The following SMG5 variants were observed in gnomAD, a reference collection of about 807,000 sequenced individuals.
The protein encoded by SMG5 is SMG5 nonsense mediated mRNA decay factor.
Under a neutral mutation model 122.9 loss-of-function variants are expected in SMG5, and 53 were observed. That is an observed-to-expected ratio of 0.43 (90% CI 0.35 to 0.54). The LOEUF is 0.54. SMG5 is among the 20% of genes least tolerant of loss of function. The probability of loss-of-function intolerance (pLI) is 0.01; values close to 1 mark genes in which losing one functional copy is unlikely to be tolerated. For missense variants in SMG5, 1,153 were observed against 1,285.6 expected (o/e 0.90, Z 1.58); for synonymous variants, 477 against 490.2 (o/e 0.97, Z 0.35).
In SMG5 at chr1:156,253,034, G is replaced by A; in HGVS notation, c.2547C>T (p.Ala849=). The change falls in exon 18 of 22, where the codon GCC becomes GCT. Residue 849 remains alanine, a synonymous_variant. Transcript: ENST00000361813. ...QLEGSLQQPK[A]QSAMSPYLVP... ...CGAGGTAGGGAGACATGGCTGACTG[G>A]GCCTTGGGCTGCTGCAGGCTGCCCT... 2 of 1,612,524 alleles carry A rather than the reference G, an allele frequency of 1.2e-6. No individual in the cohort carries two copies. The highest frequency in any genetic ancestry group is 1.7e-6 in the Non-Finnish European group (2 of 1,179,392).
rs145372199 is a variant in SMG5 at position 156,273,346 on chromosome 1, T to A, written c.634+15A>T. Reference sequence around the variant, plus strand: ...ACCCTACTGGATTCAGAGGCCCAAGTTGGGGACAACTTACCAATCTGAGGA... The same window carrying A: ...ACCCTACTGGATTCAGAGGCCCAAGATGGGGACAACTTACCAATCTGAGGA... On this transcript the variant is annotated intron_variant, in intron 6 of 21. Coordinates refer to ENST00000361813, the MANE Select transcript of SMG5 (RefSeq NM_015327.3). The A allele has an allele frequency of 1.9e-6, 3 of 1,611,552 alleles. No individual in the cohort carries two copies. In the Admixed American group the frequency reaches 5.0e-5, roughly 27 times the overall value.
intron 16 of SMG5, among the ~76,000 whole-genome samples, chr1:156,254,386 C>A (rs1199082655): frequency 6.6e-6 from 1 of 152,184 alleles, no homozygotes; most frequent in Non-Finnish European, 1.5e-5. Flanking sequence ...TAAGATGAGG[C>A]TAAGGATGGG....
chr1:156,291,436 C>CTA, the SMG5 span: 9 of 1,613,958 alleles, frequency 5.6e-6, no homozygotes, highest in Non-Finnish European at 6.8e-6. Context: ...GAGGCTTCGG[C>CTA]TACGGCCTGA....
At chr1:156,291,493 G>C in the SMG5 span, 1 of 1,613,092 alleles carries the variant, frequency 6.2e-7, no homozygotes, top group Non-Finnish European at 8.5e-7. Flanking sequence ...TCTACTACAT[G>C]TTCGTGGTGG....
chr1:156,278,146 C>A, intron 2 of SMG5, 98 bp from the exon 3 acceptor site: 1 of 1,477,134 alleles, frequency 6.8e-7, no homozygotes, highest in South Asian at 1.2e-5. Context: ...CCCCCACCAA[C>A]AAATCTCGGT....
intron 1 of SMG5, among the ~76,000 whole-genome samples, 193 bp from the exon 2 acceptor site, chr1:156,279,227 A>G (rs1175065397): frequency 9.3e-6 from 1 of 107,500 alleles, no homozygotes; most frequent in Non-Finnish European, 2.0e-5. Flanking sequence ...GCCCCTCCCC[A>G]CCCCCCGCCC....
the SMG5 span, among the ~76,000 whole-genome samples, chr1:156,287,833 T>C: frequency 6.6e-6 from 1 of 151,662 alleles, no homozygotes; most frequent in African/African-American, 2.4e-5. Context: ...GGCCAGGCAG[T>C]TCTTGAACCC....
chr1:156,267,376 G>C (rs1175915112), intron 10 of SMG5, 94 bp downstream of exon 10: 1 of 1,295,332 alleles, frequency 7.7e-7, no homozygotes, highest in East Asian at 2.3e-5. Flanking sequence ...GAGGCTGCTT[G>C]TGGAAGGAAG....
At chr1:156,261,890 CAAAAAAAAAAAAAA>C (rs61569049) in intron 13 of SMG5, among the ~76,000 whole-genome samples, 1 of 90,194 alleles carries the variant, frequency 1.1e-5, no homozygotes, top group Non-Finnish European at 2.0e-5. Flanking sequence ...AACTCCTTCT[CAAAAAAAAAAAAAA>C]AAAAAAAAAT....
At chr1:156,273,531 G>T in intron 5 of SMG5, 81 bp from the exon 6 acceptor site, 1 of 1,321,954 alleles carries the variant, frequency 7.6e-7, no homozygotes, top group East Asian at 2.4e-5. Flanking sequence ...AGTCCACTCT[G>T]AGAGTGGTAA....
intron 1 of SMG5, among the ~76,000 whole-genome samples, chr1:156,279,609 T>C: frequency 6.6e-6 from 1 of 152,186 alleles, no homozygotes. Context: ...GAGGATTAAA[T>C]GAAATAATAA....
At chr1:156,277,797 C>T in intron 3 of SMG5, 128 bp downstream of exon 3, 17 of 1,239,480 alleles carry the variant, frequency 1.4e-5, no homozygotes, top group Non-Finnish European at 1.9e-5. Context: ...CACGCATGAG[C>T]CACCGTGCCC....
chr1:156,259,189 G>A lies in SMG5; in HGVS notation c.2284-26C>T, dbSNP rs201618908. 7.5e-5 allele frequency: 115 copies of A among 1,539,244 alleles called. No homozygotes were observed. In the African/African-American group the frequency reaches 1.2e-3, roughly 16 times the overall value. ...CTGTGGGGAGATACAGGAGCCCAGC[G>A]CTGCTGAGCAGGGCCCTCTAGACCC... On this transcript the variant is annotated intron_variant, in intron 15 of 21. Coordinates refer to ENST00000361813, the MANE Select transcript of SMG5 (RefSeq NM_015327.3).
Position 156,277,240 on chromosome 1 carries a change from T to C in SMG5, c.299A>G (p.His100Arg). ...TTCCAAAGTGCTCCGGCTGTGGATG[T>C]GCTACAGATTGCGAAAGGGAAGGGG... is the stretch of plus-strand genomic sequence containing the variant. ...VIQLIKTNKK[H>R]IHSRSTLECA... The change falls in exon 4 of 22, where the codon CAC becomes CGC. Residue 100 changes from histidine to arginine, a missense_variant and splice_region_variant. By Grantham distance (29) the His-to-Arg change is conservative. Transcript: ENST00000361813. 1 of 1,612,398 alleles carries C rather than the reference T, an allele frequency of 6.2e-7. No individual in the cohort carries two copies. The highest frequency in any genetic ancestry group is 8.5e-7 in the Non-Finnish European group (1 of 1,179,554).
intron 20 of SMG5, 107 bp from the exon 21 acceptor site, chr1:156,251,103 G>A: frequency 7.0e-7 from 1 of 1,438,768 alleles, no homozygotes; most frequent in Admixed American, 1.9e-5. Context: ...GGAGGGCAGT[G>A]AGCAGCAGTG....
chr1:156,287,359 T>C (rs1055197170), upstream of SMG5, among the ~76,000 whole-genome samples: 1 of 152,066 alleles, frequency 6.6e-6, no homozygotes, highest in Non-Finnish European at 1.5e-5. Context: ...GAGGTTGCAG[T>C]GAGCCAAGAT....
intron 7 of SMG5, among the ~76,000 whole-genome samples, chr1:156,270,997 A>G (rs1212556442): frequency 6.6e-6 from 1 of 151,916 alleles, no homozygotes; most frequent in Non-Finnish European, 1.5e-5. Flanking sequence ...ACAAGAGTGA[A>G]ACTCCATCTC....
At chr1:156,280,030 A>G (rs1032401569) in intron 1 of SMG5, among the ~76,000 whole-genome samples, 1 of 152,228 alleles carries the variant, frequency 6.6e-6, no homozygotes, top group African/African-American at 2.4e-5. Context: ...TAAAGCACCC[A>G]TAACAGTGAC....
upstream of SMG5, among the ~76,000 whole-genome samples, chr1:156,286,817 A>G (rs911468980): frequency 2.0e-5 from 3 of 152,204 alleles, no homozygotes; most frequent in African/African-American, 7.2e-5. Flanking sequence ...TTAAAAATAG[A>G]TATATTTTTT....
Sources: gnomAD v4.1 joint callset for allele counts (sites outside exome capture counted in the v4.1 genomes callset) on GRCh38, gnomAD v4.1.1 for gene constraint, MANE v1.5 for transcripts, NCBI Gene and HGNC (gene_info 2026-07-23, HGNC 2026-07-21) for gene names.